SLF1: variants seen among roughly 807,000 people sequenced by gnomAD.
SLF1 encodes SMC5/6 complex localization factor 1.
A neutral mutation model predicts 123.0 loss-of-function variants in SLF1; 105 were observed. The observed-to-expected ratio is 0.85, with a 90% CI of 0.73 to 1.00. The LOEUF (loss-of-function observed/expected upper bound fraction) is 1.00. Among genes scored for constraint, SLF1 ranks in the 50% least tolerant of loss-of-function variants. The pLI is 0.00. For synonymous variants in SLF1, 434 were observed against 406.6 expected (o/e 1.07, Z -0.81); for missense variants, 1,239 against 1,223.0 (o/e 1.01, Z -0.20).
At chr5:94,620,311 A>G (rs990330060) in intron 1 of SLF1, 1 of 152,254 alleles carries the variant, frequency 6.6e-6, no homozygotes, top group Admixed American at 6.5e-5. Context: ...AGATTTTATT[A>G]TGCGTTATTA....
At chr5:94,691,955 T>C in intron 19 of SLF1, 119 bp from the exon 20 acceptor site, 1 of 899,064 alleles carries the variant, frequency 1.1e-6, no homozygotes, top group South Asian at 2.1e-5. Flanking sequence ...TATCACAGCA[T>C]TCTTTTTGTA....
At chr5:94,687,500 C>G (rs1752573352) in intron 16 of SLF1, among the ~76,000 whole-genome samples, 1 of 152,084 alleles carries the variant, frequency 6.6e-6, no homozygotes, top group South Asian at 2.1e-4. Flanking sequence ...AGTTCGAGAC[C>G]AGCCTGGGCA....
At chr5:94,645,276 G>T (rs539872521) in intron 5 of SLF1, among the ~76,000 whole-genome samples, 3 of 152,132 alleles carry the variant, frequency 2.0e-5, no homozygotes, top group Non-Finnish European at 4.4e-5. Flanking sequence ...AAAAGAACTC[G>T]CCTTAGGGTG....
intron 4 of SLF1, 48 bp downstream of exon 4, chr5:94,630,791 T>C: frequency 3.3e-6 from 5 of 1,512,818 alleles, no homozygotes; most frequent in Non-Finnish European, 4.4e-6. Context: ...AGAAAATAAT[T>C]TTGATTTGCA....
At position 94,685,853 on chromosome 5, in the gene SLF1, T is replaced by G. The variant is rs1752362686; in HGVS notation, c.1976-720T>G. On this transcript the variant is annotated intron_variant, in intron 15 of 20. Coordinates refer to ENST00000265140, the MANE Select transcript of SLF1 (RefSeq NM_032290.4). ...CGTCTCAAAAAAAAAAAAAAAATTA[T>G]CCACCATCCCCCATAGTAGAGTGGG... is the stretch of plus-strand genomic sequence containing the variant. Among the ~76,000 whole-genome samples, 3 of 151,778 alleles carry G rather than the reference T, an allele frequency of 2.0e-5. No individual in the cohort carries two copies. The South Asian group carries it at 6.2e-4, about 31-fold the overall frequency.
Position 94,669,071 on chromosome 5 carries a change from C to A in SLF1, c.1533-1080C>A, listed in dbSNP as rs546243678. ...AAATAGACTTTTAAACAAAAATACC[C>A]AGATTTCATTTCAAAATAATGGGGT... is the stretch of plus-strand genomic sequence containing the variant. On this transcript the variant is annotated intron_variant, in intron 12 of 20. Transcript: ENST00000265140. Among the ~76,000 whole-genome samples the A allele has an allele frequency of 3.3e-5, 5 of 152,174 alleles. No individual in the cohort carries two copies. The South Asian group carries it at 1.0e-3, about 32-fold the overall frequency.
In SLF1 at chr5:94,651,842, T is replaced by C; in HGVS notation, c.879T>C (p.Asn293=). ...CCTTTGGAAGCCATACATATGAAAA[T>C]CAGGTACAACTTTCCAAATTAAAAA... ...RNTFGSHTYE[N]QKEIKKKDED... The change falls in exon 7 of 21, where the codon AAT becomes AAC. Residue 293 remains asparagine (N), a synonymous_variant. Transcript: ENST00000265140. 7.2e-7 allele frequency: 1 copy of C among 1,393,088 alleles called. No homozygotes were observed. The highest frequency in any genetic ancestry group is 2.7e-5 in the East Asian group (1 of 37,702). The allele number at this position is 1,393,088 out of a possible 1,614,324, so 86.3% of individuals were successfully genotyped here.
At chr5:94,658,192 G>T in intron 9 of SLF1, among the ~76,000 whole-genome samples, 1 of 138,874 alleles carries the variant, frequency 7.2e-6, no homozygotes. Flanking sequence ...GGTGACATTT[G>T]GCTCTTTTCT....
In SLF1 at chr5:94,627,585, C is replaced by CATATATATATATATATAT. The variant is rs58847356; in HGVS notation, c.1-1208_1-1191dup. 2.4e-3 allele frequency among the ~76,000 whole-genome samples: 206 copies of CATATATATATATATATAT among 86,786 alleles called. 15 individuals are homozygous for CATATATATATATATATAT. The highest frequency in any genetic ancestry group is 3.7e-3 in the Non-Finnish European group (151 of 41,016). The allele number at this position is 86,786 out of a possible 152,430, so 56.9% of individuals were successfully genotyped here. A position where few individuals can be genotyped will look rare whatever the true frequency, so the allele number is the denominator to read the frequency against. ...TCTACCTTGTAAATGATGAAATTAA[C>CATATATATATATATATAT]ATATATATATATATATATATATATA... On this transcript the variant is annotated intron_variant, in intron 1 of 20. Transcript: ENST00000265140.
intron 1 of SLF1, among the ~76,000 whole-genome samples, chr5:94,628,373 G>A (rs1385685865): frequency 3.3e-5 from 5 of 151,860 alleles, no homozygotes; most frequent in African/African-American, 9.7e-5. Context: ...TCCTGACCTC[G>A]TGATCCGCCG....
chr5:94,628,109 G>T (rs1744763445), intron 1 of SLF1, among the ~76,000 whole-genome samples: 1 of 151,984 alleles, frequency 6.6e-6, no homozygotes. Context: ...GGGATTACAG[G>T]CGTGAGCCAC....
intron 20 of SLF1, 105 bp downstream of exon 20, chr5:94,692,361 C>T: frequency 8.9e-7 from 1 of 1,120,482 alleles, no homozygotes; most frequent in South Asian, 2.0e-5. Flanking sequence ...AGGAAAGATG[C>T]CTTTATTTCA....
chr5:94,621,272 G>T (rs1047588099), intron 1 of SLF1, among the ~76,000 whole-genome samples: 3 of 152,180 alleles, frequency 2.0e-5, no homozygotes, highest in South Asian at 4.1e-4. Context: ...AGTTTTTGCA[G>T]AAAGACTTAT....
At chr5:94,644,038 C>T (rs749014853) in intron 5 of SLF1, among the ~76,000 whole-genome samples, 12 of 152,104 alleles carry the variant, frequency 7.9e-5, no homozygotes, top group Non-Finnish European at 1.8e-4. Flanking sequence ...GGAAATTACC[C>T]TTAAAATCTT....
intron 5 of SLF1, among the ~76,000 whole-genome samples, chr5:94,647,322 T>C (rs527458177): frequency 3.9e-5 from 6 of 152,346 alleles, no homozygotes; most frequent in African/African-American, 1.2e-4. Context: ...GATTTATATG[T>C]CTCTTCTTCT....
In SLF1 at chr5:94,692,929, A is replaced by G. The variant is rs188614027; in HGVS notation, c.2695+673A>G. Among the ~76,000 whole-genome samples, 489 of 152,306 alleles carry G rather than the reference A, an allele frequency of 3.2e-3. 1 individual carries two copies. The highest frequency in any genetic ancestry group is 0.011 in the African/African-American group (453 of 41,568). Reference sequence around the variant, plus strand: ...CATTCTTCTTATATCTAAACTGAATAATATAAATTTTACAACAAAATGTTC... The same window carrying G: ...CATTCTTCTTATATCTAAACTGAATGATATAAATTTTACAACAAAATGTTC... On this transcript the variant is annotated intron_variant, in intron 20 of 20. Transcript: ENST00000265140.
chr5:94,618,604 T>C (rs1293464995), upstream of SLF1: 1 of 154,668 alleles, frequency 6.5e-6, no homozygotes, highest in Non-Finnish European at 1.5e-5. Context: ...GGAGCGTCAC[T>C]GACAACCACC....
At chr5:94,658,458 T>G (rs540314445) in intron 9 of SLF1, among the ~76,000 whole-genome samples, 6 of 137,620 alleles carry the variant, frequency 4.4e-5, no homozygotes, top group East Asian at 2.2e-4. Flanking sequence ...TGTTGTTGTT[T>G]TTTCCTTTCA....
intron 15 of SLF1, among the ~76,000 whole-genome samples, chr5:94,682,352 C>T (rs556471058): frequency 6.7e-4 from 102 of 151,754 alleles, no homozygotes; most frequent in African/African-American, 2.1e-3. Context: ...CTTTTCTCTG[C>T]GGATATTCCT....
Sources: gnomAD v4.1 joint callset for allele counts (sites outside exome capture counted in the v4.1 genomes callset) on GRCh38, gnomAD v4.1.1 for gene constraint, MANE v1.5 for transcripts, NCBI Gene and HGNC (gene_info 2026-07-23, HGNC 2026-07-21) for gene names.